The following KIAA1958 variants were observed in gnomAD, a reference collection of about 807,000 sequenced individuals.
KIAA1958 encodes the protein KIAA1958.
KIAA1958 carries 14 observed loss-of-function variants against 47.2 expected under a neutral mutation model. That is an observed-to-expected ratio of 0.30 (90% CI 0.20 to 0.46). KIAA1958 has a LOEUF of 0.46. Among genes scored for constraint, KIAA1958 ranks in the 20% least tolerant of loss-of-function variants. The pLI, the probability that KIAA1958 is intolerant of heterozygous loss-of-function variation, is 1.00. For synonymous variants in KIAA1958, 354 were observed against 353.3 expected (o/e 1.00, Z -0.02); for missense variants, 803 against 909.2 (o/e 0.88, Z 1.50).
Position 112,560,338 on chromosome 9 carries a change from C to CT in KIAA1958, c.-24-13718dup, listed in dbSNP as rs71382443. On this transcript the variant is annotated intron_variant, in intron 1 of 3. Coordinates refer to ENST00000337530, the MANE Select transcript of KIAA1958 (RefSeq NM_133465.4). ...CCCTCAGCCTCTCGAGTAGCTAGGA[C>CT]TACAGGTTCATGCCACTGCCTCTGG... Among the ~76,000 whole-genome samples the CT allele has an allele frequency of 7.5e-3, 1,137 of 151,710 alleles. 7 individuals carry two copies. The highest frequency in any genetic ancestry group is 0.013 in the South Asian group (63 of 4,808).
chr9:112,544,028 G>A (rs945482936), intron 1 of KIAA1958, among the ~76,000 whole-genome samples: 1 of 152,130 alleles, frequency 6.6e-6, no homozygotes, highest in Non-Finnish European at 1.5e-5. Flanking sequence ...AAAGGATATG[G>A]ATGGTAAGCC....
chr9:112,622,521 T>A (rs991740545), intron 2 of KIAA1958, among the ~76,000 whole-genome samples: 4 of 152,222 alleles, frequency 2.6e-5, no homozygotes, highest in Non-Finnish European at 5.9e-5. Flanking sequence ...AGAGATAGGA[T>A]ATTTATTCAA....
At chr9:112,587,063 A>G (rs529524268) in intron 2 of KIAA1958, among the ~76,000 whole-genome samples, 1 of 152,338 alleles carries the variant, frequency 6.6e-6, no homozygotes, top group South Asian at 2.1e-4. Flanking sequence ...AGGTCCAGCA[A>G]TAGCTTCTCT....
At position 112,574,508 on chromosome 9, in the gene KIAA1958, C is replaced by A. The variant is rs199709810; in HGVS notation, c.428C>A (p.Thr143Asn). Residue 143 changes from threonine to asparagine, a missense_variant, in exon 2 of 4, where the codon ACC becomes AAC. By Grantham distance (65) the Thr-to-Asn change is moderately conservative (BLOSUM62 0). Coordinates refer to ENST00000337530, the MANE Select transcript of KIAA1958 (RefSeq NM_133465.4). ...ETVEEYEDENTLFDMVCESSV... is the reference protein window; with the variant it reads ...ETVEEYEDENNLFDMVCESSV... ...GTTGAAGAATATGAAGATGAGAACACCCTGTTTGACATGGTTTGTGAGTCT... is the reference window on the plus strand; with the variant it reads ...GTTGAAGAATATGAAGATGAGAACAACCTGTTTGACATGGTTTGTGAGTCT... The A allele has an allele frequency of 3.1e-6, 5 of 1,614,138 alleles. No homozygotes were observed. The highest frequency in any genetic ancestry group is 1.1e-5 in the South Asian group (1 of 91,082).
At chr9:112,656,308 G>GC (rs1813191063) in intron 3 of KIAA1958, among the ~76,000 whole-genome samples, 1 of 146,392 alleles carries the variant, frequency 6.8e-6, no homozygotes, top group Non-Finnish European at 1.5e-5. Context: ...CAGGAGTTGA[G>GC]GCTGCAGTGA....
intron 1 of KIAA1958, among the ~76,000 whole-genome samples, chr9:112,489,494 TAGG>T (rs2132751381): frequency 6.6e-6 from 1 of 150,396 alleles, no homozygotes; most frequent in South Asian, 2.1e-4. Context: ...TTTTGACTGA[TAGG>T]TAGATAAGAA....
chr9:112,541,662 T>C (rs1383444618), intron 1 of KIAA1958, among the ~76,000 whole-genome samples: 1 of 151,834 alleles, frequency 6.6e-6, no homozygotes, highest in Non-Finnish European at 1.5e-5. Flanking sequence ...GAAAAAATAG[T>C]TGGGCATGGT....
intron 2 of KIAA1958, chr9:112,619,020 T>G (rs901192620): frequency 5.9e-6 from 7 of 1,190,040 alleles, no homozygotes; most frequent in Middle Eastern, 3.0e-4. Flanking sequence ...GTTAATTCAC[T>G]TTATAAAAAT....
intron 2 of KIAA1958, among the ~76,000 whole-genome samples, chr9:112,615,072 A>G (rs78588332): frequency 0.014 from 2,116 of 152,274 alleles, 55 homozygotes; most frequent in African/African-American, 0.047. Flanking sequence ...AGGTTTTTCA[A>G]TATGTTTCAA....
chr9:112,616,974 G>A (rs1477950697), intron 2 of KIAA1958, among the ~76,000 whole-genome samples: 2 of 152,194 alleles, frequency 1.3e-5, no homozygotes, highest in African/African-American at 4.8e-5. Context: ...GTGGTAATCT[G>A]CATTTTGATC....
intron 1 of KIAA1958, among the ~76,000 whole-genome samples, chr9:112,522,232 A>G (rs902773498): frequency 1.3e-5 from 2 of 152,186 alleles, no homozygotes; most frequent in African/African-American, 4.8e-5. Context: ...CGGCCTCCCA[A>G]AGTGCTGGGA....
intron 2 of KIAA1958, among the ~76,000 whole-genome samples, chr9:112,611,815 G>T (rs989567142): frequency 3.9e-5 from 6 of 151,930 alleles, no homozygotes; most frequent in Admixed American, 3.3e-4. Flanking sequence ...GATTGAATAG[G>T]CTTGTCAATT....
At chr9:112,554,957 G>C (rs1835216435) in intron 1 of KIAA1958, among the ~76,000 whole-genome samples, 1 of 152,150 alleles carries the variant, frequency 6.6e-6, no homozygotes, top group Admixed American at 6.5e-5. Context: ...GAGGACTCTG[G>C]AAAACAAGAA....
intron 2 of KIAA1958, among the ~76,000 whole-genome samples, chr9:112,637,053 T>C (rs1836816035): frequency 1.3e-5 from 2 of 152,206 alleles, no homozygotes; most frequent in South Asian, 4.1e-4. Context: ...TATTAAGATC[T>C]ACTTTAATTT....
chr9:112,509,083 A>C (rs554455290), intron 1 of KIAA1958, among the ~76,000 whole-genome samples: 58 of 123,198 alleles, frequency 4.7e-4, no homozygotes, highest in African/African-American at 1.3e-3. Flanking sequence ...AGATACATTT[A>C]ATGTTTTTTT....
At position 112,647,964 on chromosome 9, in the gene KIAA1958, C is replaced by A. The variant is rs556136862; in HGVS notation, c.1344+2142C>A. ...TTATTGAGAAAAAAATGACAAAATT[C>A]AGAATCCAGTATTGTAAATTTCACA... On this transcript the variant is annotated intron_variant, in intron 3 of 3. Coordinates refer to ENST00000337530, the MANE Select transcript of KIAA1958 (RefSeq NM_133465.4). 2.2e-4 allele frequency among the ~76,000 whole-genome samples: 34 copies of A among 152,278 alleles called. 2 individuals carry two copies. The South Asian group carries it at 6.0e-3, about 27-fold the overall frequency.
At position 112,574,977 on chromosome 9, in the gene KIAA1958, A is replaced by C. The variant is rs1712664900; in HGVS notation, c.897A>C (p.Thr299=). 6.2e-7 allele frequency: 1 copy of C among 1,614,074 alleles called. No homozygotes were observed. The highest frequency in any genetic ancestry group is 1.1e-5 in the South Asian group (1 of 91,082). Reference sequence around the variant, plus strand: ...CACCAAACAGAGGACCCCCTGGTACACATGGCACCAACCAACAGGTGGCCA... The same window carrying C: ...CACCAAACAGAGGACCCCCTGGTACCCATGGCACCAACCAACAGGTGGCCA... ...LASPNRGPPG[T]HGTNQQVAMQ... is the part of the protein sequence containing the mutation. The change falls in exon 2 of 4, where the codon ACA becomes ACC. Residue 299 remains threonine, a synonymous_variant. Coordinates refer to ENST00000337530, the MANE Select transcript of KIAA1958 (RefSeq NM_133465.4).
chr9:112,640,206 T>C (rs1019002015), intron 2 of KIAA1958, among the ~76,000 whole-genome samples: 2 of 152,146 alleles, frequency 1.3e-5, no homozygotes, highest in African/African-American at 4.8e-5. Flanking sequence ...GTAAGGTGGG[T>C]GGATCACTTT....
Position 112,525,918 on chromosome 9 carries a change from TTTCTTCTTCTTCTTCTTCTTCTTCTTC to T in KIAA1958, c.-25+38857_-25+38883del, listed in dbSNP as rs758525184. Among the ~76,000 whole-genome samples the T allele has an allele frequency of 3.2e-4, 31 of 96,504 alleles. 3 individuals carry two copies. The East Asian group carries it at 6.2e-3, about 19-fold the overall frequency. The allele number at this position is 96,504 out of a possible 152,430, so 63.3% of individuals were successfully genotyped here. A position where few individuals can be genotyped will look rare whatever the true frequency, so the allele number is the denominator to read the frequency against. ...AAGTTGGAAAGCTTCATTTATATTC[TTTCTTCTTCTTCTTCTTCTTCTTCTTC>T]TTCTTCTTCTTCTTCTTCTTCTTCT... On this transcript the variant is annotated intron_variant, in intron 1 of 3. Transcript: ENST00000337530.
Sources: allele counts gnomAD v4.1 joint callset (sites outside exome capture counted in the v4.1 genomes callset), GRCh38; gene constraint gnomAD v4.1.1; transcripts MANE v1.5; gene names NCBI Gene and HGNC (gene_info 2026-07-23, HGNC 2026-07-21).